PDGFC: variants seen among roughly 807,000 people sequenced by gnomAD.
PDGFC encodes platelet-derived growth factor C.
In PDGFC, 12 loss-of-function variants were observed where a neutral mutation model predicts 35.5. That is an observed-to-expected ratio of 0.34 (90% CI 0.22 to 0.55). The LOEUF is 0.55. Among genes scored for constraint, PDGFC ranks in the 20% least tolerant of loss-of-function variants. The probability of loss-of-function intolerance (pLI) is 0.91; values close to 1 mark genes in which losing one functional copy is unlikely to be tolerated. For missense variants in PDGFC, 322 were observed against 412.4 expected, an observed-to-expected ratio of 0.78 and a Z score of 1.90; for synonymous variants, 159 against 148.8, an observed-to-expected ratio of 1.07 and a Z score of -0.50.
intron 4 of PDGFC, among the ~76,000 whole-genome samples, chr4:156,769,519 A>G (rs1364511363): frequency 1.3e-5 from 2 of 152,022 alleles, no homozygotes; most frequent in Non-Finnish European, 2.9e-5. Context: ...AGAAATCCCA[A>G]TTCAATGAGT....
intron 1 of PDGFC, among the ~76,000 whole-genome samples, chr4:156,891,151 A>G (rs1730494896): frequency 1.3e-5 from 2 of 152,064 alleles, no homozygotes; most frequent in Admixed American, 1.3e-4. Context: ...AAAGGTAAGT[A>G]TTTATGTAAT....
In PDGFC at chr4:156,934,997, T is replaced by TTTG. The variant is rs1731642328; in HGVS notation, c.118+35788_118+35789insCAA. Among the ~76,000 whole-genome samples the TTTG allele has an allele frequency of 2.0e-5, 3 of 152,070 alleles. No individual in the cohort carries two copies. In the South Asian group the frequency reaches 6.2e-4, roughly 32 times the overall value. Reference sequence around the variant, plus strand: ...TTACAGTTAACGTTTTTTTGTTTTGTTTTGTTTGTTTGTTTTTCAGATGGA... The same window carrying TTTG: ...TTACAGTTAACGTTTTTTTGTTTTGTTTGTTTGTTTGTTTGTTTTTCAGATGGA... On this transcript the variant is annotated intron_variant, in intron 1 of 5. Transcript: ENST00000502773.
chr4:156,784,312 G>A (rs767644475), intron 3 of PDGFC, among the ~76,000 whole-genome samples: 4 of 152,128 alleles, frequency 2.6e-5, no homozygotes, highest in African/African-American at 4.8e-5. Flanking sequence ...TCTAAGGGTC[G>A]GGAAGAGAGC....
intron 5 of PDGFC, among the ~76,000 whole-genome samples, chr4:156,765,676 G>A (rs573815658): frequency 6.6e-6 from 1 of 152,224 alleles, no homozygotes; most frequent in African/African-American, 2.4e-5. Context: ...AAATTATTAA[G>A]CCAAGTAAGA....
intron 1 of PDGFC, among the ~76,000 whole-genome samples, chr4:156,932,610 G>T (rs1731578058): frequency 6.6e-6 from 1 of 151,896 alleles, no homozygotes; most frequent in African/African-American, 2.4e-5. Flanking sequence ...CATGGATGAA[G>T]CTGGAAACCA....
At chr4:156,776,450 T>A (rs1235776312) in intron 3 of PDGFC, among the ~76,000 whole-genome samples, 3 of 152,212 alleles carry the variant, frequency 2.0e-5, no homozygotes, top group Non-Finnish European at 2.9e-5. Context: ...CTTGGTGTTC[T>A]GCAATGTAGA....
chr4:156,916,617 G>T (rs1457094557), intron 1 of PDGFC, among the ~76,000 whole-genome samples: 1 of 152,176 alleles, frequency 6.6e-6, no homozygotes, highest in African/African-American at 2.4e-5. Context: ...TCTCTATGCT[G>T]TTGTCTCGCT....
chr4:156,961,509 A>G (rs1366791113), intron 1 of PDGFC, among the ~76,000 whole-genome samples: 2 of 152,190 alleles, frequency 1.3e-5, no homozygotes, highest in Non-Finnish European at 1.5e-5. Flanking sequence ...CAGAGCTTCA[A>G]AAAATGGCAT....
chr4:156,874,151 A>G (rs1054553178), intron 1 of PDGFC, among the ~76,000 whole-genome samples: 1 of 152,220 alleles, frequency 6.6e-6, no homozygotes, highest in Non-Finnish European at 1.5e-5. Flanking sequence ...AACAGCTTTG[A>G]ACATTATCTC....
chr4:156,916,809 T>A (rs1731164993), intron 1 of PDGFC, among the ~76,000 whole-genome samples: 1 of 152,328 alleles, frequency 6.6e-6, no homozygotes, highest in Admixed American at 6.5e-5. Context: ...AGTGGTTTTC[T>A]AACTGCTACT....
At chr4:156,895,195 CAG>C (rs1365454672) in intron 1 of PDGFC, among the ~76,000 whole-genome samples, 2 of 152,198 alleles carry the variant, frequency 1.3e-5, no homozygotes, top group Non-Finnish European at 2.9e-5. Context: ...GGGGCAATGA[CAG>C]ACCAAATCAG....
At chr4:156,870,553 C>A (rs996267386) in intron 1 of PDGFC, among the ~76,000 whole-genome samples, 1 of 151,998 alleles carries the variant, frequency 6.6e-6, no homozygotes. Flanking sequence ...AAAGTATTAT[C>A]CCTGTTGTAT....
rs373220869 is a variant in PDGFC, at chr4:156,919,312, A to G, written c.118+51474T>C. On this transcript the variant is annotated intron_variant, in intron 1 of 5. Coordinates refer to ENST00000502773, the MANE Select transcript of PDGFC (RefSeq NM_016205.3). ...TACAGGTGATCCCCAACTTTCCTAA[A>G]TGACCCTCAAATTCATAATCTTAAT... is the stretch of plus-strand genomic sequence containing the variant. Among the ~76,000 whole-genome samples the G allele has an allele frequency of 2.6e-4, 40 of 152,322 alleles. 1 individual carries two copies. Among genetic ancestry groups the G allele is most frequent in the African/African-American group, 8.9e-4 (37 of 41,588 alleles).
chr4:156,820,208 T>C (rs773154805), intron 2 of PDGFC, among the ~76,000 whole-genome samples: 3 of 152,204 alleles, frequency 2.0e-5, no homozygotes, highest in Non-Finnish European at 4.4e-5. Flanking sequence ...TAATATTCCA[T>C]AAACTTAGTT....
chr4:156,896,043 A>G (rs1730626886), intron 1 of PDGFC, among the ~76,000 whole-genome samples: 1 of 152,234 alleles, frequency 6.6e-6, no homozygotes, highest in African/African-American at 2.4e-5. Flanking sequence ...ACAGACTACA[A>G]AGAAAATGAA....
Position 156,970,865 on chromosome 4 carries a change from C to G in PDGFC, c.39G>C (p.Leu13=), listed in dbSNP as rs753283389. The G allele has an allele frequency of 6.2e-7, 1 of 1,613,962 alleles. No homozygotes were observed. The highest frequency in any genetic ancestry group is 1.7e-5 in the Admixed American group (1 of 60,016). ...CCTGAGTCCCCTGTCTCTGGCCGGC[C>G]AGGGCAGATGTCAGCAGGAGAAGCC... ...LFGLLLLTSA[L]AGQRQGTQAE... is the part of the protein sequence containing the mutation. Residue 13 remains leucine, a synonymous_variant, in exon 1 of 6, where the codon CTG becomes CTC. Coordinates refer to ENST00000502773, the MANE Select transcript of PDGFC (RefSeq NM_016205.3).
At chr4:156,898,362 A>G (rs1207546620) in intron 1 of PDGFC, among the ~76,000 whole-genome samples, 1 of 152,218 alleles carries the variant, frequency 6.6e-6, no homozygotes, top group South Asian at 2.1e-4. Flanking sequence ...GACTAAGGAA[A>G]AAAACAAGTT....
intron 1 of PDGFC, among the ~76,000 whole-genome samples, chr4:156,897,746 C>T (rs1234479017): frequency 6.6e-6 from 1 of 152,084 alleles, no homozygotes; most frequent in Non-Finnish European, 1.5e-5. Context: ...CTATGAGCAA[C>T]TCAATCGACA....
intron 1 of PDGFC, among the ~76,000 whole-genome samples, chr4:156,880,803 GT>G (rs1206835401): frequency 6.6e-6 from 1 of 152,288 alleles, no homozygotes; most frequent in African/African-American, 2.4e-5. Context: ...GAAGACGTAA[GT>G]GAATTGCTGC....
Sources: gnomAD v4.1 joint callset for allele counts (sites outside exome capture counted in the v4.1 genomes callset) on GRCh38, gnomAD v4.1.1 for gene constraint, MANE v1.5 for transcripts, NCBI Gene and HGNC (gene_info 2026-07-23, HGNC 2026-07-21) for gene names.